The following ERCC6 variants were observed in gnomAD, a reference collection of about 807,000 sequenced individuals.
The protein encoded by ERCC6 is DNA excision repair protein ERCC-6.
ERCC6 carries 116 observed loss-of-function variants against 158.7 expected under a neutral mutation model. The ratio of observed to expected loss-of-function variants is 0.73; its 90% confidence interval spans 0.63 to 0.85. ERCC6 has a LOEUF of 0.85. ERCC6 is among the 40% of genes least tolerant of loss of function. The pLI is 0.00. For synonymous variants in ERCC6, 678 were observed against 659.3 expected (o/e 1.03, Z -0.43); for missense variants, 1,698 against 1,799.4 (o/e 0.94, Z 1.02).
intron 20 of ERCC6, among the ~76,000 whole-genome samples, chr10:49,459,836 T>C (rs142020307): frequency 3.2e-4 from 49 of 152,264 alleles, no homozygotes; most frequent in African/African-American, 6.5e-4. Flanking sequence ...TAACTTAAAA[T>C]TGGAGTCTGA....
chr10:49,461,624 T>C (rs1850585630), intron 18 of ERCC6, 68 bp from the exon 19 acceptor site: 3 of 1,486,088 alleles, frequency 2.0e-6, no homozygotes, highest in Non-Finnish European at 2.8e-6. Context: ...TTCTCCTCTG[T>C]ATAAGTACAG....
At chr10:49,503,213 G>A (rs1401985273) in intron 6 of ERCC6, 1 of 152,064 alleles carries the variant, frequency 6.6e-6, no homozygotes, top group Non-Finnish European at 1.5e-5. Context: ...TAAAGAAATG[G>A]TAAACAGCAT....
chr10:49,519,923 G>A (rs1837104820), intron 5 of ERCC6, among the ~76,000 whole-genome samples: 1 of 152,046 alleles, frequency 6.6e-6, no homozygotes, highest in Non-Finnish European at 1.5e-5. Flanking sequence ...TCCCCACGCT[G>A]AGCCCAGGCC....
chr10:49,517,079 G>T (rs1383957009), intron 5 of ERCC6: 1 of 1,604,770 alleles, frequency 6.2e-7, no homozygotes. Flanking sequence ...TCTCTAAAAG[G>T]TCAGTTATTT....
downstream of ERCC6, among the ~76,000 whole-genome samples, chr10:49,449,873 TTC>T (rs2132516343): frequency 6.6e-6 from 1 of 151,922 alleles, no homozygotes; most frequent in African/African-American, 2.4e-5. Flanking sequence ...TTAACTTGTT[TTC>T]TTTTTTCTTT....
intron 18 of ERCC6, among the ~76,000 whole-genome samples, chr10:49,468,440 C>T (rs1283049421): frequency 6.6e-6 from 1 of 152,200 alleles, no homozygotes; most frequent in Non-Finnish European, 1.5e-5. Context: ...TTTCCCATCT[C>T]TCAAGAGATC....
rs571372686 is a variant in ERCC6, at chr10:49,482,539, A to ATT, written c.2169+146_2169+147dup. Reference sequence around the variant, plus strand: ...ATGATCAAGCAAAGATAATTTTGTGATTTTTTTTTTTTTTTTTTAACCAGA... The same window carrying ATT: ...ATGATCAAGCAAAGATAATTTTGTGATTTTTTTTTTTTTTTTTTTTAACCAGA... On this transcript the variant is annotated intron_variant, in intron 10 of 20. Transcript: ENST00000355832. The ATT allele has an allele frequency of 0.035, 16,485 of 466,180 alleles. 188 individuals carry two copies. The highest frequency in any genetic ancestry group is 0.091 in the African/African-American group (4,364 of 48,052). The allele number at this position is 466,180 out of a possible 1,614,324, so 28.9% of individuals were successfully genotyped here.
At chr10:49,519,847 C>A (rs564836870) in intron 5 of ERCC6, among the ~76,000 whole-genome samples, 5 of 152,322 alleles carry the variant, frequency 3.3e-5, no homozygotes, top group African/African-American at 1.2e-4. Context: ...TCAGAGTCAG[C>A]GGGAGCTCAG....
chr10:49,514,240 C>T (rs1347229294), intron 5 of ERCC6, among the ~76,000 whole-genome samples: 1 of 152,150 alleles, frequency 6.6e-6, no homozygotes, highest in Non-Finnish European at 1.5e-5. Flanking sequence ...AGTCAAAACT[C>T]ACTCTTCACT....
intron 5 of ERCC6, among the ~76,000 whole-genome samples, chr10:49,514,291 T>C (rs1425482248): frequency 6.6e-6 from 1 of 152,202 alleles, no homozygotes; most frequent in African/African-American, 2.4e-5. Flanking sequence ...AAAATCAGTT[T>C]AGCAGTTCTT....
Position 49,455,373 on chromosome 10 carries a change from A to T in ERCC6, c.*3442T>A, listed in dbSNP as rs1186742048. On this transcript the variant is annotated 3_prime_UTR_variant, in exon 21 of 21. Coordinates refer to ENST00000355832, the MANE Select transcript of ERCC6 (RefSeq NM_000124.4). ...AAACAAATGCAATCCTAGTCAAAAG[A>T]ACACCACAATTTTACTGGAATTTAA... 2.0e-5 allele frequency: 3 copies of T among 152,224 alleles called. No individual in the cohort carries two copies. The highest frequency in any genetic ancestry group is 2.9e-5 in the Non-Finnish European group (2 of 68,038). The allele number at this position is 152,224 out of a possible 1,614,324, so 9.4% of individuals were successfully genotyped here.
intron 8 of ERCC6, among the ~76,000 whole-genome samples, chr10:49,490,321 T>C (rs929815048): frequency 3.3e-5 from 5 of 151,618 alleles, no homozygotes; most frequent in African/African-American, 1.2e-4. Flanking sequence ...AATTGAGAAA[T>C]TGACCATTTG....
In ERCC6 at chr10:49,457,175, AAAGG is replaced by A. The variant is rs1474487700; in HGVS notation, c.*1636_*1639del. 6.6e-6 allele frequency: 1 copy of A among 152,228 alleles called. No individual in the cohort carries two copies. The highest frequency in any genetic ancestry group is 1.5e-5 in the Non-Finnish European group (1 of 68,044). The allele number at this position is 152,228 out of a possible 1,614,324, so 9.4% of individuals were successfully genotyped here. A position where few individuals can be genotyped will look rare whatever the true frequency, so the allele number is the denominator to read the frequency against. ...CCCCAGAAACAAACCACTTAGTCAA[AAAGG>A]AAGGAGTTTTGACTTTCTTCTAAGC... On this transcript the variant is annotated 3_prime_UTR_variant, in exon 21 of 21. Coordinates refer to ENST00000355832, the MANE Select transcript of ERCC6 (RefSeq NM_000124.4).
chr10:49,482,568 C>A, intron 10 of ERCC6, 119 bp downstream of exon 10: 19 of 668,360 alleles, frequency 2.8e-5, no homozygotes, highest in East Asian at 6.3e-5. Flanking sequence ...AACCAGATAC[C>A]AATTTATGAG....
chr10:49,477,024 A>G (rs1351551942), intron 11 of ERCC6, among the ~76,000 whole-genome samples: 2 of 152,008 alleles, frequency 1.3e-5, no homozygotes, highest in Non-Finnish European at 2.9e-5. Context: ...AAGCTCATAC[A>G]TGGCAGCATC....
chr10:49,507,752 C>T (rs1025406728), intron 5 of ERCC6, among the ~76,000 whole-genome samples: 2 of 152,146 alleles, frequency 1.3e-5, no homozygotes, highest in African/African-American at 4.8e-5. Flanking sequence ...TATACTACTA[C>T]TGGCATCTTG....
rs886047034 is a variant in ERCC6, at chr10:49,470,480, G to C, written c.3480C>G (p.Pro1160=). 5 of 1,614,088 alleles carry C rather than the reference G, an allele frequency of 3.1e-6. No individual in the cohort carries two copies. Among genetic ancestry groups the C allele is most frequent in the African/African-American group, 1.3e-5 (1 of 75,032 alleles). Residue 1160 remains proline, a synonymous_variant, in exon 18 of 21, where the codon CCC becomes CCG. Transcript: ENST00000355832. ...AAAAAGCTTCTGTTTGAGCCTGGCTGGGTCTTTCTCTTTTGTAAGAAAGAC... is the reference window on the plus strand; with the variant it reads ...AAAAAGCTTCTGTTTGAGCCTGGCTCGGTCTTTCTCTTTTGTAAGAAAGAC... ...KLGLSYKRER[P]SQAQTEAFWE...
At chr10:49,473,967 G>C (rs1850829187) in intron 13 of ERCC6, 60 bp downstream of exon 13, 3 of 1,433,062 alleles carry the variant, frequency 2.1e-6, no homozygotes, top group Non-Finnish European at 2.9e-6. Flanking sequence ...ATCCCATTTT[G>C]TGAGTTGATG....
chr10:49,460,400 T>C lies in ERCC6; in HGVS notation c.4035A>G (p.Ser1345=). ...RNSNFSVQHP[S]STSPTEKCQD... The stretch of plus-strand genomic sequence containing the variant: ...GGCACTTCTCTGTTGGAGATGTTGA[T>C]GAAGGATGCTGCACAGAGAAGTTAG... Residue 1345 remains serine, a synonymous_variant, in exon 20 of 21, where the codon TCA becomes TCG. Coordinates refer to ENST00000355832, the MANE Select transcript of ERCC6 (RefSeq NM_000124.4). 6.2e-7 allele frequency: 1 copy of C among 1,613,802 alleles called. No individual in the cohort carries two copies. Among genetic ancestry groups the C allele is most frequent in the Non-Finnish European group, 8.5e-7 (1 of 1,179,680 alleles).
Sources: gnomAD v4.1 joint callset for allele counts (sites outside exome capture counted in the v4.1 genomes callset) on GRCh38, gnomAD v4.1.1 for gene constraint, MANE v1.5 for transcripts, NCBI Gene and HGNC (gene_info 2026-07-23, HGNC 2026-07-21) for gene names.